The following KLRG1 variants were observed in gnomAD, a reference collection of about 807,000 sequenced individuals.
KLRG1 encodes killer cell lectin-like receptor subfamily G member 1.
KLRG1 carries 16 observed loss-of-function variants against 21.8 expected under a neutral mutation model. That is an observed-to-expected ratio of 0.73 (90% confidence interval 0.50 to 1.11). KLRG1 has a LOEUF of 1.11. Ranked by LOEUF, KLRG1 falls within the 50% of genes most tolerant of loss-of-function variation. The pLI is 0.00. For missense variants in KLRG1, 173 were observed against 218.3 expected, an observed-to-expected ratio of 0.79 and a Z score of 1.31; for synonymous variants, 69 against 75.9, an observed-to-expected ratio of 0.91 and a Z score of 0.47.
chr12:9,038,294 A>G, the KLRG1 span, among the ~76,000 whole-genome samples: 2 of 152,132 alleles, frequency 1.3e-5, no homozygotes, highest in East Asian at 1.9e-4. Flanking sequence ...TCCAAAATCC[A>G]TAAGGCAGGC....
At chr12:9,141,683 A>C in the KLRG1 span, among the ~76,000 whole-genome samples, 3 of 152,188 alleles carry the variant, frequency 2.0e-5, no homozygotes, top group Admixed American at 1.3e-4. Context: ...CCACATTCTC[A>C]TGCCTCCTTA....
At chr12:9,049,045 G>A in the KLRG1 span, among the ~76,000 whole-genome samples, 1 of 152,212 alleles carries the variant, frequency 6.6e-6, no homozygotes. Context: ...AGAGACAGAA[G>A]TTTATGCTGA....
the KLRG1 span, among the ~76,000 whole-genome samples, chr12:9,197,369 T>A: frequency 7.0e-6 from 1 of 142,782 alleles, no homozygotes; most frequent in Non-Finnish European, 1.5e-5. Context: ...ATAAATATTT[T>A]TATATATTTA....
the KLRG1 span, chr12:9,113,441 G>A: frequency 1.9e-6 from 3 of 1,613,926 alleles, no homozygotes; most frequent in Non-Finnish European, 2.5e-6. Context: ...CAGACTCCAA[G>A]GAAGCACTTA....
chr12:9,157,970 T>C, the KLRG1 span: 25 of 777,478 alleles, frequency 3.2e-5, no homozygotes, highest in Non-Finnish European at 4.5e-5. Flanking sequence ...TCTCTCTCTC[T>C]CTCGACAGGT....
the KLRG1 span, among the ~76,000 whole-genome samples, chr12:9,026,574 C>G: frequency 6.6e-6 from 1 of 152,154 alleles, no homozygotes; most frequent in African/African-American, 2.4e-5. Flanking sequence ...GCTTTCCACA[C>G]TATTAGTGGC....
chr12:9,160,708 A>G, the KLRG1 span, among the ~76,000 whole-genome samples: 38,691 of 152,044 alleles, frequency 0.25, 5,594 homozygotes, highest in Admixed American at 0.33. Flanking sequence ...AGGTCAGGAT[A>G]TCGAGACCAT....
At chr12:9,044,641 T>C in the KLRG1 span, among the ~76,000 whole-genome samples, 3 of 151,914 alleles carry the variant, frequency 2.0e-5, no homozygotes, top group African/African-American at 7.3e-5. Context: ...CACTCCAGCC[T>C]GGGCAACAGA....
chr12:9,039,629 C>G, the KLRG1 span, among the ~76,000 whole-genome samples: 1 of 152,150 alleles, frequency 6.6e-6, no homozygotes, highest in Non-Finnish European at 1.5e-5. Context: ...ATGACAGTTG[C>G]TAAAGCAGTC....
the KLRG1 span, chr12:9,111,933 T>G: frequency 1.5e-6 from 1 of 684,956 alleles, no homozygotes; most frequent in Non-Finnish European, 2.8e-6. Flanking sequence ...AAAAGTAAAT[T>G]TAATTGTGTG....
At chr12:9,113,660 C>T in the KLRG1 span, 18 of 1,039,872 alleles carry the variant, frequency 1.7e-5, no homozygotes, top group South Asian at 3.0e-4. Flanking sequence ...AGAAGATGTA[C>T]TGATGAGCAT....
chr12:9,080,113 T>C, the KLRG1 span: 4 of 1,588,410 alleles, frequency 2.5e-6, no homozygotes, highest in Non-Finnish European at 3.4e-6. Flanking sequence ...AGACAGAAGC[T>C]CGGGCAGATT....
At chr12:9,103,165 G>A in the KLRG1 span, among the ~76,000 whole-genome samples, 1 of 152,158 alleles carries the variant, frequency 6.6e-6, no homozygotes, top group Non-Finnish European at 1.5e-5. Flanking sequence ...TGCTAATTAT[G>A]TTAGAATTGG....
At chr12:9,191,512 A>T in the KLRG1 span, among the ~76,000 whole-genome samples, 1 of 152,156 alleles carries the variant, frequency 6.6e-6, no homozygotes, top group African/African-American at 2.4e-5. Context: ...TTAATATTTA[A>T]TTTTTCCAGC....
At chr12:9,032,340 T>C in the KLRG1 span, among the ~76,000 whole-genome samples, 1 of 152,182 alleles carries the variant, frequency 6.6e-6, no homozygotes, top group Non-Finnish European at 1.5e-5. Context: ...CAACAGCCCA[T>C]ATCAGGAAAA....
chr12:8,976,997 C>T (rs990664177), intron 1 of KLRG1, among the ~76,000 whole-genome samples: 13 of 152,108 alleles, frequency 8.5e-5, no homozygotes, highest in South Asian at 2.1e-4. Flanking sequence ...ATGATCTACC[C>T]GCCTGGGCCT....
At chr12:9,029,912 A>G in the KLRG1 span, among the ~76,000 whole-genome samples, 1 of 151,790 alleles carries the variant, frequency 6.6e-6, no homozygotes, top group Non-Finnish European at 1.5e-5. Flanking sequence ...ACAGGCCACC[A>G]CACCCTAATT....
the KLRG1 span, chr12:9,072,600 G>C: frequency 1.7e-4 from 269 of 1,598,932 alleles, no homozygotes; most frequent in Non-Finnish European, 2.2e-4. Flanking sequence ...ACTTCTCAGA[G>C]AGAACAGCTG....
At position 8,954,046 on chromosome 12, in the gene KLRG1, T is replaced by G. The variant is rs1052202332; in HGVS notation, c.-156+3810T>G. ...GTGGGAGCCTTTTAGTGGTGCCTCC[T>G]TTATCCTTTTGACATGTCCATATGA... On this transcript the variant is annotated intron_variant, in intron 1 of 4. Coordinates refer to the KLRG1 transcript ENST00000539240. Among the ~76,000 whole-genome samples the G allele has an allele frequency of 5.9e-5, 9 of 152,296 alleles. No individual in the cohort carries two copies. In the East Asian group the frequency reaches 1.7e-3, roughly 29 times the overall value.
Sources: gnomAD v4.1 joint callset for allele counts (sites outside exome capture counted in the v4.1 genomes callset) on GRCh38, gnomAD v4.1.1 for gene constraint, MANE v1.5 for transcripts, NCBI Gene and HGNC (gene_info 2026-07-23, HGNC 2026-07-21) for gene names.